ATG13: variants seen among roughly 807,000 people sequenced by gnomAD.
The protein encoded by ATG13 is autophagy-related protein 13.
In ATG13, 23 loss-of-function variants were observed where a neutral mutation model predicts 65.5. That is an observed-to-expected ratio of 0.35 (90% CI 0.25 to 0.50). ATG13 has a LOEUF of 0.50. Ranked by LOEUF, ATG13 falls within the 20% of genes least tolerant of loss-of-function variation. The pLI is 0.98. For synonymous variants in ATG13, 252 were observed against 245.2 expected (o/e 1.03, Z -0.26); for missense variants, 566 against 677.0 (o/e 0.84, Z 1.82).
chr11:46,626,633 AATTAAT>A (rs1232908981), intron 1 of ATG13, among the ~76,000 whole-genome samples: 4 of 152,150 alleles, frequency 2.6e-5, no homozygotes, highest in Non-Finnish European at 4.4e-5. Flanking sequence ...TTCTCTTTGT[AATTAAT>A]AAGTAGTAAC....
At chr11:46,670,082 G>A (rs1233650107) in intron 18 of ATG13, among the ~76,000 whole-genome samples, 4 of 152,188 alleles carry the variant, frequency 2.6e-5, no homozygotes, top group Non-Finnish European at 5.9e-5. Flanking sequence ...CCCCATGCCA[G>A]GAGATGTCCC....
intron 5 of ATG13, among the ~76,000 whole-genome samples, chr11:46,647,293 GT>G (rs1174804865): frequency 9.2e-5 from 10 of 108,912 alleles, no homozygotes; most frequent in Non-Finnish European, 1.2e-4. Flanking sequence ...TTTTTTTTTT[GT>G]TTTTTTTTTT....
At chr11:46,671,514 G>T (rs61884294) in intron 18 of ATG13, among the ~76,000 whole-genome samples, 9,173 of 152,184 alleles carry the variant, frequency 0.06, 359 homozygotes, top group Non-Finnish European at 0.089. Flanking sequence ...GAGGCGGGTG[G>T]ATCACAACAT....
At position 46,646,001 on chromosome 11, in the gene ATG13, G is replaced by A. The variant is rs755271563; in HGVS notation, c.270+12G>A. 1.9e-6 allele frequency: 3 copies of A among 1,613,988 alleles called. No individual in the cohort carries two copies. The highest frequency in any genetic ancestry group is 2.5e-6 in the Non-Finnish European group (3 of 1,179,898). ...TTAAGACTTCTGAGGTAAGGCTATG[G>A]CCAGGTTGGTGTCTTCATTTAGCAC... On this transcript the variant is annotated intron_variant, in intron 5 of 18. Transcript: ENST00000683050.
At chr11:46,622,221 G>T (rs1466685640) in intron 1 of ATG13, among the ~76,000 whole-genome samples, 3 of 150,062 alleles carry the variant, frequency 2.0e-5, no homozygotes. Flanking sequence ...AGGTTCAAGC[G>T]ATTCTCCCGC....
intron 1 of ATG13, among the ~76,000 whole-genome samples, chr11:46,627,230 T>G (rs1045782339): frequency 1.1e-4 from 17 of 152,040 alleles, no homozygotes; most frequent in Non-Finnish European, 2.2e-4. Context: ...AATATGAAAA[T>G]TAGCTGGGCA....
At chr11:46,629,041 C>T (rs2050737611) in intron 1 of ATG13, among the ~76,000 whole-genome samples, 2 of 151,510 alleles carry the variant, frequency 1.3e-5, no homozygotes, top group African/African-American at 4.9e-5. Context: ...CTCCTGGGCT[C>T]AAGAGATCCT....
At chr11:46,672,096 T>C (rs1421351250) in intron 18 of ATG13, among the ~76,000 whole-genome samples, 159 bp from the exon 19 acceptor site, 2 of 152,234 alleles carry the variant, frequency 1.3e-5, no homozygotes, top group Admixed American at 6.5e-5. Context: ...TACCCCTCCC[T>C]ACCCTGTGCC....
intron 1 of ATG13, among the ~76,000 whole-genome samples, chr11:46,628,231 C>T (rs1383916591): frequency 6.6e-6 from 1 of 151,972 alleles, no homozygotes; most frequent in African/African-American, 2.4e-5. Context: ...GGTGAAACCC[C>T]ATCTCCATTA....
chr11:46,625,434 C>G (rs1014885725), intron 1 of ATG13: 4 of 152,064 alleles, frequency 2.6e-5, no homozygotes, highest in East Asian at 1.9e-4. Flanking sequence ...ATCACCACAC[C>G]CAGCCAGTTT....
chr11:46,644,990 G>T (rs2057148466), intron 3 of ATG13, among the ~76,000 whole-genome samples: 1 of 152,120 alleles, frequency 6.6e-6, no homozygotes, highest in South Asian at 2.1e-4. Flanking sequence ...TAAGTTTGTG[G>T]CAGGGAATAT....
At chr11:46,663,265 CAA>C (rs11422914) in intron 11 of ATG13, among the ~76,000 whole-genome samples, 1 of 78,378 alleles carries the variant, frequency 1.3e-5, no homozygotes, top group Admixed American at 1.8e-4. Context: ...GACTCCATCT[CAA>C]AAAAAAAAAA....
At chr11:46,630,988 CTA>C (rs1254938817) in intron 2 of ATG13, 1 of 152,012 alleles carries the variant, frequency 6.6e-6, no homozygotes, top group African/African-American at 2.4e-5. Flanking sequence ...TTGGGATTAC[CTA>C]TGTGAGTCAC....
At chr11:46,665,005 C>T (rs773460633) in intron 13 of ATG13, 46 bp downstream of exon 13, 3 of 1,562,022 alleles carry the variant, frequency 1.9e-6, no homozygotes, top group Non-Finnish European at 2.6e-6. Context: ...GTGCTGCCTC[C>T]CCTGCCCGGA....
chr11:46,662,107 T>C (rs1300340934), intron 11 of ATG13, among the ~76,000 whole-genome samples: 1 of 152,170 alleles, frequency 6.6e-6, no homozygotes, highest in African/African-American at 2.4e-5. Flanking sequence ...CAGAGTAGCA[T>C]TGACAAAAAA....
chr11:46,660,284 C>T (rs560629936), intron 11 of ATG13, among the ~76,000 whole-genome samples: 1 of 151,754 alleles, frequency 6.6e-6, no homozygotes, highest in African/African-American at 2.4e-5. Context: ...CTCAGTTCTA[C>T]TTGCCTTTAA....
chr11:46,662,713 C>T (rs2061442281), intron 11 of ATG13, among the ~76,000 whole-genome samples: 1 of 152,164 alleles, frequency 6.6e-6, no homozygotes, highest in African/African-American at 2.4e-5. Context: ...ATCATTTCTC[C>T]TCATTCCTGT....
chr11:46,622,084 T>C (rs1190432939), intron 1 of ATG13, among the ~76,000 whole-genome samples: 8 of 20,006 alleles, frequency 4.0e-4, no homozygotes, highest in Admixed American at 8.0e-4. Context: ...TACATATATA[T>C]ATATATATAT....
At chr11:46,657,409 A>T in intron 9 of ATG13, 115 bp from the exon 10 acceptor site, 1 of 1,085,258 alleles carries the variant, frequency 9.2e-7, no homozygotes, top group Non-Finnish European at 1.4e-6. Context: ...GGATTGTGAT[A>T]GTTAAAGCTC....
Sources: gnomAD v4.1 joint callset for allele counts (sites outside exome capture counted in the v4.1 genomes callset) on GRCh38, gnomAD v4.1.1 for gene constraint, MANE v1.5 for transcripts, NCBI Gene and HGNC (gene_info 2026-07-23, HGNC 2026-07-21) for gene names.